AGPS: variants seen among roughly 807,000 people sequenced by gnomAD.
AGPS encodes the protein alkyldihydroxyacetonephosphate synthase, peroxisomal.
In AGPS, 26 loss-of-function variants were observed where a neutral mutation model predicts 90.7. The ratio of observed to expected loss-of-function variants is 0.29; its 90% CI spans 0.21 to 0.40. AGPS has a LOEUF of 0.40. AGPS is among the 10% of genes least tolerant of loss of function. The probability of loss-of-function intolerance (pLI) is 1.00; values close to 1 mark genes in which losing one functional copy is unlikely to be tolerated. For missense variants in AGPS, 540 were observed against 816.1 expected, an observed-to-expected ratio of 0.66 and a Z score of 4.12; for synonymous variants, 294 against 285.3, an observed-to-expected ratio of 1.03 and a Z score of -0.31.
At chr2:177,434,060 A>G (rs544274821) in intron 2 of AGPS, among the ~76,000 whole-genome samples, 3 of 152,218 alleles carry the variant, frequency 2.0e-5, no homozygotes, top group Admixed American at 2.0e-4. Flanking sequence ...AACAAAACCA[A>G]ACTGGAAACT....
chr2:177,458,221 A>G (rs145529874), intron 8 of AGPS, among the ~76,000 whole-genome samples: 6 of 152,152 alleles, frequency 3.9e-5, no homozygotes, highest in African/African-American at 1.4e-4. Context: ...TGACAAACCC[A>G]CAGCCAATAT....
In AGPS at chr2:177,519,100, T is replaced by C. The variant is rs544761853; in HGVS notation, c.1698-2169T>C. On this transcript the variant is annotated intron_variant, in intron 17 of 19. Transcript: ENST00000264167. Reference sequence around the variant, plus strand: ...TTTGATATTGGTTTCTTCCTCAAGTTCTTTGGTTTTTCTTATTCCTGATGT... The same window carrying C: ...TTTGATATTGGTTTCTTCCTCAAGTCCTTTGGTTTTTCTTATTCCTGATGT... 4.6e-5 allele frequency among the ~76,000 whole-genome samples: 7 copies of C among 152,272 alleles called. No individual in the cohort carries two copies. The East Asian group carries it at 1.2e-3, about 25-fold the overall frequency.
intron 3 of AGPS, among the ~76,000 whole-genome samples, chr2:177,436,158 T>TTTTTTTTTTTG (rs59321457): frequency 1.4e-5 from 2 of 143,798 alleles, no homozygotes; most frequent in Admixed American, 7.0e-5. Context: ...TTTTTTTTTT[T>TTTTTTTTTTTG]GCGACAGAGT....
chr2:177,528,849 C>CTTTTTTTTTTTT (rs71008000), intron 19 of AGPS, among the ~76,000 whole-genome samples: 5 of 79,142 alleles, frequency 6.3e-5, no homozygotes, highest in South Asian at 5.7e-4. Flanking sequence ...CATATTAATC[C>CTTTTTTTTTTTT]TTTTTTTTTT....
chr2:177,441,293 A>G (rs925267900), intron 6 of AGPS: 7 of 416,210 alleles, frequency 1.7e-5, no homozygotes, highest in Non-Finnish European at 3.0e-5. Context: ...CTGAATAACA[A>G]AATGTTTCTG....
rs1485158970 is a variant in AGPS at position 177,538,090 on chromosome 2, G to A, written c.1872G>A (p.Lys624=). The part of the protein sequence containing the change: ...SHHHGVGKLR[K]QWLKESISDV... Reference sequence around the variant, plus strand: ...TTTTTCCAGTGGGCAAGTTACGGAAGCAATGGCTAAAGGAAAGTATCTCTG... The same window carrying A: ...TTTTTCCAGTGGGCAAGTTACGGAAACAATGGCTAAAGGAAAGTATCTCTG... The change falls in exon 20 of 20, where the codon AAG becomes AAA. Residue 624 remains lysine, a synonymous_variant. Transcript: ENST00000264167. The A allele has an allele frequency of 2.5e-6, 4 of 1,613,038 alleles. No individual in the cohort carries two copies. The highest frequency in any genetic ancestry group is 2.2e-5 in the East Asian group (1 of 44,872).
chr2:177,523,651 CA>C (rs1291121854), intron 18 of AGPS, 96 bp from the exon 19 acceptor site: 19 of 1,021,688 alleles, frequency 1.9e-5, no homozygotes, highest in Non-Finnish European at 2.8e-5. Context: ...TTATTTAACC[CA>C]GGAAACATGT....
chr2:177,405,625 A>T (rs1012268948), intron 1 of AGPS, among the ~76,000 whole-genome samples: 10 of 151,230 alleles, frequency 6.6e-5, no homozygotes, highest in African/African-American at 2.4e-4. Flanking sequence ...GGTACCTGGT[A>T]GATGTTCTTA....
chr2:177,486,928 G>C (rs1399960688), intron 11 of AGPS, among the ~76,000 whole-genome samples: 3 of 151,776 alleles, frequency 2.0e-5, no homozygotes, highest in African/African-American at 7.2e-5. Context: ...CTCATAAGTG[G>C]CAGTCCAGTA....
chr2:177,443,873 A>G (rs1420651531), intron 7 of AGPS, among the ~76,000 whole-genome samples: 2 of 152,184 alleles, frequency 1.3e-5, no homozygotes, highest in Non-Finnish European at 2.9e-5. Flanking sequence ...GTGAGTGCCT[A>G]TGAAGTTTTT....
Position 177,539,540 on chromosome 2 carries a change from A to G in AGPS, c.*1345A>G, listed in dbSNP as rs2079213267. On this transcript the variant is annotated 3_prime_UTR_variant, in exon 20 of 20. Transcript: ENST00000264167. The stretch of plus-strand genomic sequence containing the variant: ...TTTTAAAACTAATATTTGATCAGAT[A>G]ATGTAAGTCAAAATGCAGACGATCC... The G allele has an allele frequency of 6.6e-6, 1 of 152,000 alleles. No homozygotes were observed. The highest frequency in any genetic ancestry group is 2.4e-5 in the African/African-American group (1 of 41,430). The allele number at this position is 152,000 out of a possible 1,614,324, so 9.4% of individuals were successfully genotyped here. A position where few individuals can be genotyped will look rare whatever the true frequency, so the allele number is the denominator to read the frequency against.
intron 5 of AGPS, among the ~76,000 whole-genome samples, chr2:177,440,153 A>G (rs1686557640): frequency 6.6e-6 from 1 of 152,104 alleles, no homozygotes; most frequent in African/African-American, 2.4e-5. Flanking sequence ...AGGTTTTCCC[A>G]CTATAAGGAT....
intron 11 of AGPS, among the ~76,000 whole-genome samples, chr2:177,491,429 C>CTTTTTTTTTTTT (rs1051275473): frequency 9.3e-5 from 11 of 118,250 alleles, no homozygotes; most frequent in Non-Finnish European, 8.8e-5. Context: ...TGACTAATTT[C>CTTTTTTTTTTTT]TTTTTTTTTT....
intron 1 of AGPS, 147 bp downstream of exon 1, chr2:177,393,196 G>C (rs1685073840): frequency 6.5e-7 from 1 of 1,540,840 alleles, no homozygotes; most frequent in Non-Finnish European, 8.7e-7. Context: ...CCTCTCTTTC[G>C]AGAGAGTGGA....
chr2:177,513,786 A>C (rs747311176), intron 16 of AGPS, 33 bp from the exon 17 acceptor site: 1 of 1,523,276 alleles, frequency 6.6e-7, no homozygotes, highest in South Asian at 1.1e-5. Flanking sequence ...CTCACTTGAA[A>C]ACTTAATATT....
At chr2:177,502,527 C>G (rs968172988) in intron 14 of AGPS, among the ~76,000 whole-genome samples, 1 of 150,644 alleles carries the variant, frequency 6.6e-6, no homozygotes, top group African/African-American at 2.4e-5. Flanking sequence ...AAGGATCCTT[C>G]CTCTTCAGCC....
intron 8 of AGPS, among the ~76,000 whole-genome samples, chr2:177,460,711 A>G (rs1687266957): frequency 6.6e-6 from 1 of 152,248 alleles, no homozygotes. Context: ...GTTAGGGAAG[A>G]AATATAATGT....
rs748509384 is a variant in AGPS, at chr2:177,462,023, A to G, written c.996+5A>G. On this transcript the variant is annotated splice_donor_5th_base_variant and intron_variant, in intron 9 of 19. Coordinates refer to ENST00000264167, the MANE Select transcript of AGPS (RefSeq NM_003659.4). ...TATGGCAATATCGAGGACCTGGTAA[A>G]TATTTTTCTAGTTATTATGTAATAA... The G allele has an allele frequency of 6.2e-6, 10 of 1,601,522 alleles. No individual in the cohort carries two copies. Among genetic ancestry groups the G allele is most frequent in the Middle Eastern group, 1.7e-4 (1 of 5,986 alleles).
At chr2:177,410,862 C>G (rs1189809657) in intron 1 of AGPS, among the ~76,000 whole-genome samples, 1 of 152,160 alleles carries the variant, frequency 6.6e-6, no homozygotes. Context: ...ACTCAGAGAT[C>G]CTTCATCCCC....
Sources: gnomAD v4.1 joint callset for allele counts (sites outside exome capture counted in the v4.1 genomes callset) on GRCh38, gnomAD v4.1.1 for gene constraint, MANE v1.5 for transcripts, NCBI Gene and HGNC (gene_info 2026-07-23, HGNC 2026-07-21) for gene names.